The following DGKB variants were observed in gnomAD, a reference collection of about 807,000 sequenced individuals.
DGKB encodes diacylglycerol kinase beta.
Under a neutral mutation model 114.3 loss-of-function variants are expected in DGKB, and 67 were observed. The observed-to-expected ratio is 0.59, with a 90% CI of 0.48 to 0.72. DGKB has a LOEUF of 0.72. Ranked by LOEUF, DGKB falls within the 30% of genes least tolerant of loss-of-function variation. The probability of loss-of-function intolerance (pLI) is 0.00; values close to 1 mark genes in which losing one functional copy is unlikely to be tolerated. For missense variants in DGKB, 907 were observed against 975.2 expected (o/e 0.93, Z 0.93); for synonymous variants, 398 against 323.1 (o/e 1.23, Z -2.49).
At chr7:14,682,461 G>A (rs1451516387) in intron 12 of DGKB, 92 bp downstream of exon 12, 1 of 816,598 alleles carries the variant, frequency 1.2e-6, no homozygotes, top group Non-Finnish European at 2.1e-6. Flanking sequence ...TCAGTTTCAG[G>A]AAGCCCTTCT....
chr7:14,787,635 T>A (rs1840086394), intron 2 of DGKB, among the ~76,000 whole-genome samples: 1 of 152,170 alleles, frequency 6.6e-6, no homozygotes, highest in South Asian at 2.1e-4. Context: ...AACAGTTTAG[T>A]CTGGAGAACT....
intron 21 of DGKB, among the ~76,000 whole-genome samples, chr7:14,435,556 A>G (rs1278601855): frequency 6.6e-6 from 1 of 152,134 alleles, no homozygotes; most frequent in Non-Finnish European, 1.5e-5. Flanking sequence ...AATAAACTTC[A>G]AATAAATGTT....
intron 21 of DGKB, among the ~76,000 whole-genome samples, chr7:14,460,710 A>G (rs1239601525): frequency 6.6e-6 from 1 of 152,158 alleles, no homozygotes; most frequent in Non-Finnish European, 1.5e-5. Flanking sequence ...ACAGGAAATT[A>G]ACAAGAGTAT....
intron 2 of DGKB, among the ~76,000 whole-genome samples, chr7:14,811,768 T>C (rs933987547): frequency 2.0e-5 from 3 of 151,970 alleles, no homozygotes; most frequent in Non-Finnish European, 4.4e-5. Context: ...TAAGTAAATA[T>C]ATATATGTAA....
intron 23 of DGKB, among the ~76,000 whole-genome samples, chr7:14,328,455 A>C (rs1809142993): frequency 6.6e-6 from 1 of 151,912 alleles, no homozygotes; most frequent in Non-Finnish European, 1.5e-5. Context: ...GGTAGAAAGT[A>C]CGTAATAGAC....
At position 14,303,338 on chromosome 7, in the gene DGKB, G is replaced by A. The variant is rs575594657; in HGVS notation, c.2122+35177C>T. ...TTGGATGTGTATGACTGTATTTCCC[G>A]CCGTAGTTAGTTTTTAAGAAAGAAT... On this transcript the variant is annotated intron_variant, in intron 23 of 25. Coordinates refer to ENST00000402815, the MANE Select transcript of DGKB (RefSeq NM_001350709.2). Among the ~76,000 whole-genome samples the A allele has an allele frequency of 9.9e-5, 15 of 152,054 alleles. No individual in the cohort carries two copies. The East Asian group carries it at 1.9e-3, about 20-fold the overall frequency.
At chr7:14,876,331 C>T (rs1324400202) in intron 1 of DGKB, among the ~76,000 whole-genome samples, 1 of 152,220 alleles carries the variant, frequency 6.6e-6, no homozygotes, top group African/African-American at 2.4e-5. Context: ...CTGCTACTCT[C>T]TGCCTAAGGG....
chr7:14,723,392 C>T (rs1040850335), intron 5 of DGKB, among the ~76,000 whole-genome samples: 3 of 107,630 alleles, frequency 2.8e-5, no homozygotes, highest in Non-Finnish European at 5.5e-5. Flanking sequence ...CTGGGCAAAA[C>T]AAAAGGGTTT....
intron 15 of DGKB, among the ~76,000 whole-genome samples, chr7:14,614,991 C>G (rs1453072040): frequency 6.6e-6 from 1 of 152,024 alleles, no homozygotes; most frequent in African/African-American, 2.4e-5. Context: ...ATGGGTACCC[C>G]TTCCTCCCAT....
chr7:14,778,138 G>T (rs1838486712), intron 2 of DGKB, among the ~76,000 whole-genome samples: 1 of 152,166 alleles, frequency 6.6e-6, no homozygotes, highest in South Asian at 2.1e-4. Flanking sequence ...AAAGATAAAA[G>T]ACTGACGAAG....
At chr7:14,505,105 C>T (rs960406393) in intron 20 of DGKB, among the ~76,000 whole-genome samples, 1 of 152,160 alleles carries the variant, frequency 6.6e-6, no homozygotes, top group Non-Finnish European at 1.5e-5. Flanking sequence ...CATTCCTTGT[C>T]CTCATATCCT....
At chr7:14,863,127 G>A (rs1586988731) in intron 1 of DGKB, among the ~76,000 whole-genome samples, 2 of 145,952 alleles carry the variant, frequency 1.4e-5, no homozygotes, top group East Asian at 4.1e-4. Context: ...GTGGTAAAGT[G>A]CCAAACCATT....
intron 21 of DGKB, among the ~76,000 whole-genome samples, chr7:14,347,455 G>T (rs1355124530): frequency 3.3e-5 from 5 of 151,968 alleles, no homozygotes; most frequent in Non-Finnish European, 5.9e-5. Flanking sequence ...ATACCCCAAA[G>T]AAATGAAATC....
intron 15 of DGKB, among the ~76,000 whole-genome samples, chr7:14,619,471 G>T (rs1807200402): frequency 6.6e-6 from 1 of 151,542 alleles, no homozygotes; most frequent in Non-Finnish European, 1.5e-5. Context: ...TGGTTTTGAT[G>T]TCCGGGCAAA....
intron 1 of DGKB, among the ~76,000 whole-genome samples, chr7:14,889,721 G>C (rs1005084634): frequency 6.6e-6 from 1 of 151,354 alleles, no homozygotes; most frequent in African/African-American, 2.4e-5. Context: ...GAAATGGAAA[G>C]GAAAAGAGTC....
At chr7:14,658,328 T>C (rs1469769507) in intron 13 of DGKB, among the ~76,000 whole-genome samples, 1 of 151,958 alleles carries the variant, frequency 6.6e-6, no homozygotes, top group Non-Finnish European at 1.5e-5. Context: ...GAAAGATTAA[T>C]ATTACATGTT....
At chr7:14,311,724 T>C (rs931916219) in intron 23 of DGKB, among the ~76,000 whole-genome samples, 4 of 152,192 alleles carry the variant, frequency 2.6e-5, no homozygotes, top group African/African-American at 9.6e-5. Flanking sequence ...CCATGCCTGG[T>C]CATTTTTTTA....
chr7:14,899,576 A>G (rs1463737420), intron 1 of DGKB, among the ~76,000 whole-genome samples: 1 of 152,022 alleles, frequency 6.6e-6, no homozygotes, highest in Non-Finnish European at 1.5e-5. Context: ...CTGTGTTTAG[A>G]TCTTCCAACT....
At chr7:14,299,521 A>G (rs969690) in intron 23 of DGKB, among the ~76,000 whole-genome samples, 61,886 of 151,924 alleles carry the variant, frequency 0.41, 14,082 homozygotes, top group South Asian at 0.58. Flanking sequence ...AAATTAACTT[A>G]ACACTACAAA....
Sources: allele counts gnomAD v4.1 joint callset (sites outside exome capture counted in the v4.1 genomes callset), GRCh38; gene constraint gnomAD v4.1.1; transcripts MANE v1.5; gene names NCBI Gene and HGNC (gene_info 2026-07-23, HGNC 2026-07-21).